The following UNC5D variants were observed in gnomAD, a reference collection of about 807,000 sequenced individuals.
UNC5D encodes the protein unc-5 netrin receptor D.
UNC5D carries 39 observed loss-of-function variants against 105.4 expected under a neutral mutation model. That is an observed-to-expected ratio of 0.37 (90% confidence interval 0.29 to 0.48). The LOEUF (loss-of-function observed/expected upper bound fraction) is 0.48. UNC5D is among the 20% of genes least tolerant of loss of function. The pLI is 0.98. For missense variants in UNC5D, 991 were observed against 1,202.4 expected (o/e 0.82, Z 2.60); for synonymous variants, 452 against 450.4 (o/e 1.00, Z -0.04).
At chr8:35,744,868 C>A (rs1829927186) in intron 11 of UNC5D, among the ~76,000 whole-genome samples, 1 of 152,052 alleles carries the variant, frequency 6.6e-6, no homozygotes, top group Non-Finnish European at 1.5e-5. Context: ...GCCTGACCAA[C>A]ATGGTGAAGC....
At chr8:35,534,654 A>C (rs1334618658) in intron 1 of UNC5D, among the ~76,000 whole-genome samples, 1 of 151,942 alleles carries the variant, frequency 6.6e-6, no homozygotes, top group Admixed American at 6.6e-5. Flanking sequence ...GGCCATTTTT[A>C]AGTAAAGGTA....
At chr8:35,615,199 A>G in intron 4 of UNC5D, among the ~76,000 whole-genome samples, 1 of 152,150 alleles carries the variant, frequency 6.6e-6, no homozygotes, top group East Asian at 1.9e-4. Context: ...TGACTAGTCC[A>G]CTGCACTCCA....
At chr8:35,271,644 C>A (rs1206363016) in intron 1 of UNC5D, among the ~76,000 whole-genome samples, 4 of 131,646 alleles carry the variant, frequency 3.0e-5, no homozygotes, top group Non-Finnish European at 6.5e-5. Context: ...TTATGTATAC[C>A]ATATGTATAC....
chr8:35,601,420 T>TC (rs1264444472), intron 4 of UNC5D, among the ~76,000 whole-genome samples: 99 of 152,294 alleles, frequency 6.5e-4, no homozygotes, highest in African/African-American at 2.3e-3. Flanking sequence ...TATTGATTCT[T>TC]CTACCCATGA....
intron 1 of UNC5D, among the ~76,000 whole-genome samples, chr8:35,418,622 T>C (rs965965547): frequency 6.6e-6 from 1 of 152,148 alleles, no homozygotes; most frequent in Non-Finnish European, 1.5e-5. Context: ...TTCCTGATTG[T>C]TACATAAAAA....
intron 1 of UNC5D, among the ~76,000 whole-genome samples, chr8:35,469,271 T>A (rs1410607240): frequency 1.3e-5 from 2 of 152,182 alleles, no homozygotes; most frequent in African/African-American, 4.8e-5. Context: ...GTTCTATGAG[T>A]CTCATTTCCT....
In UNC5D at chr8:35,301,799, T is replaced by A. The variant is rs146951034; in HGVS notation, c.103+65912T>A. Among the ~76,000 whole-genome samples, 114 of 152,236 alleles carry A rather than the reference T, an allele frequency of 7.5e-4. No homozygotes were observed. In the East Asian group the frequency reaches 0.015, roughly 20 times the overall value. ...ATAAATAAACACTTGAATAGAAGAA[T>A]GGGGAGAGGGAACTTTTTTTGTTTT... On this transcript the variant is annotated intron_variant, in intron 1 of 16. Coordinates refer to ENST00000404895, the MANE Select transcript of UNC5D (RefSeq NM_080872.4).
chr8:35,297,113 AGG>A (rs1807549235), intron 1 of UNC5D, among the ~76,000 whole-genome samples: 1 of 152,168 alleles, frequency 6.6e-6, no homozygotes, highest in Non-Finnish European at 1.5e-5. Flanking sequence ...TGAGTACCAC[AGG>A]GTTCACCTCA....
At chr8:35,482,923 C>T (rs1302497731) in intron 1 of UNC5D, among the ~76,000 whole-genome samples, 8 of 150,212 alleles carry the variant, frequency 5.3e-5, no homozygotes, top group African/African-American at 1.7e-4. Context: ...CTGCCGTGGC[C>T]CCCCGAGTAG....
chr8:35,311,734 A>G (rs1018718323), intron 1 of UNC5D, among the ~76,000 whole-genome samples: 2 of 152,158 alleles, frequency 1.3e-5, no homozygotes, highest in Non-Finnish European at 2.9e-5. Flanking sequence ...CAAGGGAAGT[A>G]GTTTGATGAG....
At chr8:35,360,731 G>T (rs1801809768) in intron 1 of UNC5D, among the ~76,000 whole-genome samples, 1 of 152,112 alleles carries the variant, frequency 6.6e-6, no homozygotes, top group African/African-American at 2.4e-5. Context: ...GAAACTATAT[G>T]GGCATGGTGG....
At chr8:35,565,837 T>C (rs1817298808) in intron 2 of UNC5D, among the ~76,000 whole-genome samples, 1 of 152,212 alleles carries the variant, frequency 6.6e-6, no homozygotes. Flanking sequence ...CTTTCCCCAG[T>C]ATATGTTTTT....
chr8:35,371,331 A>C (rs1802417218), intron 1 of UNC5D, among the ~76,000 whole-genome samples: 1 of 152,146 alleles, frequency 6.6e-6, no homozygotes, highest in African/African-American at 2.4e-5. Context: ...GGTCCCATTA[A>C]TATAGAAAAG....
intron 1 of UNC5D, among the ~76,000 whole-genome samples, chr8:35,479,826 T>C (rs774291745): frequency 1.1e-4 from 17 of 152,198 alleles, no homozygotes; most frequent in Non-Finnish European, 2.1e-4. Flanking sequence ...TCAGGTACCA[T>C]GTTCACTACC....
intron 2 of UNC5D, among the ~76,000 whole-genome samples, chr8:35,556,634 G>T (rs1816569147): frequency 6.6e-6 from 1 of 152,202 alleles, no homozygotes; most frequent in South Asian, 2.1e-4. Context: ...GTGGGGAGAT[G>T]TGCTCTGCTA....
At chr8:35,275,955 C>T (rs1038108634) in intron 1 of UNC5D, among the ~76,000 whole-genome samples, 1 of 151,964 alleles carries the variant, frequency 6.6e-6, no homozygotes, top group Non-Finnish European at 1.5e-5. Flanking sequence ...TGGGATATGT[C>T]CATGTACTGA....
At chr8:35,680,615 ATTTTTC>A (rs1447607827) in intron 4 of UNC5D, among the ~76,000 whole-genome samples, 1 of 151,836 alleles carries the variant, frequency 6.6e-6, no homozygotes. Flanking sequence ...GCATGATTTT[ATTTTTC>A]TTTAAGTTTT....
chr8:35,284,850 C>G (rs1205474307), intron 1 of UNC5D, among the ~76,000 whole-genome samples: 2 of 152,208 alleles, frequency 1.3e-5, no homozygotes, highest in Non-Finnish European at 2.9e-5. Context: ...GCGTGAGCCA[C>G]TGCACCTGGC....
intron 1 of UNC5D, among the ~76,000 whole-genome samples, chr8:35,308,659 G>T (rs118078127): frequency 4.0e-4 from 61 of 152,204 alleles, no homozygotes; most frequent in Non-Finnish European, 6.9e-4. Context: ...CCTGAGAAGG[G>T]ATGGTTTCCA....
Sources: allele counts gnomAD v4.1 joint callset (sites outside exome capture counted in the v4.1 genomes callset), GRCh38; gene constraint gnomAD v4.1.1; transcripts MANE v1.5; gene names NCBI Gene and HGNC (gene_info 2026-07-23, HGNC 2026-07-21).